The following PARVA variants were observed in gnomAD, a reference collection of about 807,000 sequenced individuals.
PARVA encodes the protein parvin alpha.
In PARVA, 25 loss-of-function variants were observed where a neutral mutation model predicts 52.6. The ratio of observed to expected loss-of-function variants is 0.48; its 90% CI spans 0.35 to 0.66. The LOEUF is 0.66. Among genes scored for constraint, PARVA ranks in the 30% least tolerant of loss-of-function variants. The pLI, the probability that PARVA is intolerant of heterozygous loss-of-function variation, is 0.01. For missense variants in PARVA, 373 were observed against 450.9 expected (o/e 0.83, Z 1.56); for synonymous variants, 185 against 179.1 (o/e 1.03, Z -0.26).
At chr11:12,511,666 C>A (rs1399350281) in intron 8 of PARVA, 133 bp downstream of exon 8, 12 of 918,870 alleles carry the variant, frequency 1.3e-5, no homozygotes, top group Non-Finnish European at 1.9e-5. Flanking sequence ...GTGACATGGC[C>A]AATTGGGTTG....
intron 1 of PARVA, among the ~76,000 whole-genome samples, chr11:12,439,748 C>T (rs142728120): frequency 1.1e-4 from 16 of 152,334 alleles, no homozygotes; most frequent in Non-Finnish European, 2.4e-4. Flanking sequence ...GCCCCAGCTG[C>T]CCTGGCCTTC....
chr11:12,497,728 A>T (rs1203183644), intron 5 of PARVA, among the ~76,000 whole-genome samples: 2 of 152,178 alleles, frequency 1.3e-5, no homozygotes, highest in African/African-American at 2.4e-5. Flanking sequence ...GCTATCAAGG[A>T]GAGGGGCTCT....
upstream of PARVA, chr11:12,377,504 A>G: frequency 7.0e-7 from 1 of 1,425,622 alleles, no homozygotes. Context: ...GAGGGAAGGG[A>G]AAGGCGAGCG....
chr11:12,422,884 C>T (rs995327116), intron 1 of PARVA, among the ~76,000 whole-genome samples: 1 of 152,074 alleles, frequency 6.6e-6, no homozygotes, highest in African/African-American at 2.4e-5. Context: ...GATACTGAGT[C>T]TTGCTCTGTT....
chr11:12,512,474 T>C (rs772909356), intron 8 of PARVA, among the ~76,000 whole-genome samples: 1 of 152,034 alleles, frequency 6.6e-6, no homozygotes, highest in Non-Finnish European at 1.5e-5. Flanking sequence ...CAGGTTCACC[T>C]TGGAGACCCT....
rs771973777 is a variant in PARVA at position 12,469,667 on chromosome 11, A to G, written c.137-4078A>G. 6.0e-4 allele frequency among the ~76,000 whole-genome samples: 91 copies of G among 152,208 alleles called. 1 individual carries two copies. Among genetic ancestry groups the G allele is most frequent in the Non-Finnish European group, 2.1e-4 (14 of 68,028 alleles). ...GGGCAGTTTGCATATTCACTTTTAC[A>G]AACAGTTGGCTCAGAGTCAGCAGTT... On this transcript the variant is annotated intron_variant, in intron 1 of 12. Transcript: ENST00000334956.
intron 1 of PARVA, among the ~76,000 whole-genome samples, chr11:12,434,633 CTT>C (rs1168506896): frequency 6.6e-6 from 1 of 152,150 alleles, no homozygotes; most frequent in African/African-American, 2.4e-5. Flanking sequence ...CTCCTGGTCT[CTT>C]CTACTCTGTA....
chr11:12,464,998 C>T (rs1940835266), intron 1 of PARVA, among the ~76,000 whole-genome samples: 1 of 152,192 alleles, frequency 6.6e-6, no homozygotes, highest in Non-Finnish European at 1.5e-5. Context: ...CACTTGCATG[C>T]ACAATTCACA....
At chr11:12,467,938 T>C (rs924987898) in intron 1 of PARVA, among the ~76,000 whole-genome samples, 5 of 152,162 alleles carry the variant, frequency 3.3e-5, no homozygotes, top group African/African-American at 1.2e-4. Context: ...CTGTGCACAT[T>C]TATATTCCCT....
At chr11:12,384,068 C>T (rs1939535981) in intron 1 of PARVA, among the ~76,000 whole-genome samples, 1 of 152,190 alleles carries the variant, frequency 6.6e-6, no homozygotes. Flanking sequence ...CTAGTCCCTT[C>T]CAAGGAGGTC....
upstream of PARVA, chr11:12,377,439 G>T (rs1939408093): frequency 2.9e-6 from 4 of 1,380,856 alleles, no homozygotes; most frequent in Non-Finnish European, 1.9e-6. Context: ...GGCCCCGGGA[G>T]CGCAGCTCCT....
chr11:12,430,384 T>G (rs1940299962), intron 1 of PARVA, among the ~76,000 whole-genome samples: 1 of 152,206 alleles, frequency 6.6e-6, no homozygotes, highest in Non-Finnish European at 1.5e-5. Context: ...ATTTAACATT[T>G]GAGAGCTGGT....
At chr11:12,494,514 A>T (rs1941272912) in intron 4 of PARVA, among the ~76,000 whole-genome samples, 1 of 152,200 alleles carries the variant, frequency 6.6e-6, no homozygotes, top group South Asian at 2.1e-4. Context: ...GAGCTTTTTC[A>T]GGAACTGGGG....
At chr11:12,399,522 A>T (rs963586033) in intron 1 of PARVA, among the ~76,000 whole-genome samples, 1 of 152,232 alleles carries the variant, frequency 6.6e-6, no homozygotes, top group Non-Finnish European at 1.5e-5. Context: ...AAATATTTCT[A>T]AATGTTTATT....
intron 5 of PARVA, 87 bp downstream of exon 5, chr11:12,496,685 G>A: frequency 7.2e-7 from 1 of 1,393,500 alleles, no homozygotes; most frequent in South Asian, 1.4e-5. Flanking sequence ...CCATAAGCTT[G>A]GCAGGCTTCA....
chr11:12,423,913 A>G (rs1940189043), intron 1 of PARVA, among the ~76,000 whole-genome samples: 1 of 152,164 alleles, frequency 6.6e-6, no homozygotes, highest in Admixed American at 6.5e-5. Flanking sequence ...TCCTCCTGCA[A>G]TCTTCTTTGG....
chr11:12,508,024 A>G lies in PARVA; in HGVS notation c.658-560A>G, dbSNP rs1338126366. On this transcript the variant is annotated intron_variant, in intron 6 of 12. Transcript: ENST00000334956. ...GACGGACGAGTTTCTAACATGCTTA[A>G]CCTTTTCTCAGAGAATAAGCTAGTT... 2.7e-5 allele frequency among the ~76,000 whole-genome samples: 4 copies of G among 149,670 alleles called. No homozygotes were observed. In the East Asian group the frequency reaches 7.8e-4, roughly 29 times the overall value.
intron 1 of PARVA, among the ~76,000 whole-genome samples, chr11:12,468,727 A>G (rs1940889489): frequency 6.6e-6 from 1 of 152,156 alleles, no homozygotes; most frequent in Admixed American, 6.5e-5. Flanking sequence ...TTCTCTGCCA[A>G]CCTCAACACA....
At chr11:12,464,564 G>C (rs867378207) in intron 1 of PARVA, among the ~76,000 whole-genome samples, 26 of 152,098 alleles carry the variant, frequency 1.7e-4, no homozygotes, top group African/African-American at 5.6e-4. Flanking sequence ...ACTTAAGTTC[G>C]TACCATTCCC....
Sources: gnomAD v4.1 joint callset for allele counts (sites outside exome capture counted in the v4.1 genomes callset) on GRCh38, gnomAD v4.1.1 for gene constraint, MANE v1.5 for transcripts, NCBI Gene and HGNC (gene_info 2026-07-23, HGNC 2026-07-21) for gene names.